PTPRD: variants seen among roughly 807,000 people sequenced by gnomAD.
PTPRD encodes receptor-type tyrosine-protein phosphatase delta.
In PTPRD, 34 loss-of-function variants were observed where a neutral mutation model predicts 214.5. The ratio of observed to expected loss-of-function variants is 0.16; its 90% CI spans 0.12 to 0.21. PTPRD has a LOEUF of 0.21. PTPRD is among the 10% of genes least tolerant of loss of function. The pLI is 1.00. For synonymous variants in PTPRD, 1,128 were observed against 845.7 expected (o/e 1.33, Z -5.79); for missense variants, 2,545 against 2,398.7 (o/e 1.06, Z -1.27).
At chr9:10,207,078 T>G (rs895778158) in intron 3 of PTPRD, among the ~76,000 whole-genome samples, 4 of 152,130 alleles carry the variant, frequency 2.6e-5, no homozygotes, top group Non-Finnish European at 5.9e-5. Context: ...TCTATATCTC[T>G]ATATGTGTAT....
intron 36 of PTPRD, among the ~76,000 whole-genome samples, chr9:8,393,468 TA>T (rs1427842726): frequency 1.3e-5 from 2 of 152,134 alleles, no homozygotes; most frequent in South Asian, 2.1e-4. Flanking sequence ...AAGGAGCTAT[TA>T]AAACAGGAGG....
At chr9:8,564,729 C>A (rs1183329383) in intron 14 of PTPRD, among the ~76,000 whole-genome samples, 1 of 152,042 alleles carries the variant, frequency 6.6e-6, no homozygotes, top group African/African-American at 2.4e-5. Flanking sequence ...CATTCACAAT[C>A]AAGTCATGTT....
At chr9:9,777,786 T>G (rs1461942140) in intron 5 of PTPRD, among the ~76,000 whole-genome samples, 2 of 152,238 alleles carry the variant, frequency 1.3e-5, no homozygotes, top group East Asian at 1.9e-4. Context: ...TGGTTTTTTT[T>G]GTAAAATGCA....
chr9:9,521,250 G>C (rs530129554), intron 8 of PTPRD, among the ~76,000 whole-genome samples: 2 of 152,094 alleles, frequency 1.3e-5, no homozygotes, highest in South Asian at 4.1e-4. Context: ...CTAGGTCTGC[G>C]TGATACTTTT....
intron 7 of PTPRD, among the ~76,000 whole-genome samples, chr9:9,732,062 T>A (rs1434554554): frequency 1.3e-5 from 2 of 151,876 alleles, no homozygotes; most frequent in Middle Eastern, 3.2e-3. Flanking sequence ...TTGAAAACAA[T>A]GAAGACTTCC....
intron 5 of PTPRD, among the ~76,000 whole-genome samples, chr9:9,848,827 G>C (rs2060020111): frequency 6.6e-6 from 1 of 151,976 alleles, no homozygotes. Flanking sequence ...ATAGCTATTT[G>C]ATCTTCAAGA....
At chr9:9,530,032 A>G (rs995612275) in intron 8 of PTPRD, among the ~76,000 whole-genome samples, 8 of 152,158 alleles carry the variant, frequency 5.3e-5, no homozygotes, top group Non-Finnish European at 1.0e-4. Flanking sequence ...AGTTTATAGC[A>G]GTAAGTACCT....
intron 5 of PTPRD, among the ~76,000 whole-genome samples, chr9:9,914,840 C>G (rs1764673368): frequency 6.6e-6 from 1 of 152,142 alleles, no homozygotes; most frequent in Non-Finnish European, 1.5e-5. Flanking sequence ...AGCTAGGAAA[C>G]TGCTTCTATG....
intron 3 of PTPRD, among the ~76,000 whole-genome samples, chr9:10,122,135 C>A: frequency 6.6e-6 from 1 of 152,050 alleles, no homozygotes; most frequent in East Asian, 1.9e-4. Flanking sequence ...TGGTGAATCC[C>A]CATCTCTACT....
At chr9:9,118,197 A>G (rs1009834056) in intron 10 of PTPRD, among the ~76,000 whole-genome samples, 1 of 152,214 alleles carries the variant, frequency 6.6e-6, no homozygotes. Flanking sequence ...ACACTATAAA[A>G]GTATTTAAAT....
intron 3 of PTPRD, among the ~76,000 whole-genome samples, chr9:10,230,882 T>A (rs1224603827): frequency 6.6e-6 from 1 of 152,038 alleles, no homozygotes; most frequent in East Asian, 1.9e-4. Context: ...GCTTCTAGCG[T>A]TTAAAGTTTG....
At chr9:9,587,111 C>T (rs2092113542) in intron 7 of PTPRD, among the ~76,000 whole-genome samples, 1 of 151,500 alleles carries the variant, frequency 6.6e-6, no homozygotes, top group Non-Finnish European at 1.5e-5. Context: ...AGAGGGGAGA[C>T]AAAAAAATTA....
In PTPRD at chr9:8,417,955, T is replaced by C. The variant is rs142108496; in HGVS notation, c.4087-13295A>G. ...GGGGTGATTTGTTTTTGAATGCCTA[T>C]TGCACTCTGTGTCTACATTTGACTT... On this transcript the variant is annotated intron_variant, in intron 35 of 45. Transcript: ENST00000381196. Among the ~76,000 whole-genome samples the C allele has an allele frequency of 5.8e-3, 885 of 152,304 alleles. 10 individuals carry two copies. Among genetic ancestry groups the C allele is most frequent in the African/African-American group, 0.02 (846 of 41,576 alleles).
chr9:8,702,849 C>A (rs185956279), intron 12 of PTPRD, among the ~76,000 whole-genome samples: 2 of 152,310 alleles, frequency 1.3e-5, no homozygotes, highest in South Asian at 4.1e-4. Context: ...TCTTGTGATT[C>A]GCCCGCCTCG....
intron 5 of PTPRD, among the ~76,000 whole-genome samples, chr9:9,781,352 T>C (rs1349195791): frequency 6.6e-6 from 1 of 152,144 alleles, no homozygotes; most frequent in Non-Finnish European, 1.5e-5. Context: ...TTTAAAATAA[T>C]TTAATAGTAT....
chr9:10,402,825 CTCTT>C (rs2098292947), intron 2 of PTPRD, among the ~76,000 whole-genome samples: 1 of 151,620 alleles, frequency 6.6e-6, no homozygotes, highest in Non-Finnish European at 1.5e-5. Context: ...ACCAAGGCCT[CTCTT>C]TCTTTCAAAA....
intron 5 of PTPRD, among the ~76,000 whole-genome samples, chr9:9,857,087 A>G (rs770574751): frequency 3.2e-4 from 49 of 152,182 alleles, no homozygotes; most frequent in Non-Finnish European, 6.0e-4. Context: ...CCGGGGCAGC[A>G]TAAAGACATT....
chr9:9,947,482 T>TTATATATTATATATATTATATATATATAA (rs2092837876), intron 4 of PTPRD, among the ~76,000 whole-genome samples: 1 of 24,006 alleles, frequency 4.2e-5, no homozygotes, highest in African/African-American at 3.2e-4. Context: ...TATATATATT[T>TTATATATTATATATATTATATATATATAA]TATATATATT....
intron 34 of PTPRD, among the ~76,000 whole-genome samples, chr9:8,446,028 T>C (rs1219004366): frequency 6.6e-6 from 1 of 152,218 alleles, no homozygotes; most frequent in Non-Finnish European, 1.5e-5. Context: ...GACTTGATTC[T>C]TGTCTAAAAG....
Sources: allele counts gnomAD v4.1 joint callset (sites outside exome capture counted in the v4.1 genomes callset), GRCh38; gene constraint gnomAD v4.1.1; transcripts MANE v1.5; gene names NCBI Gene and HGNC (gene_info 2026-07-23, HGNC 2026-07-21).